SPAG16: variants seen among roughly 807,000 people sequenced by gnomAD.
SPAG16 encodes sperm associated antigen 16, also known as sperm-associated antigen 16 protein.
Under a neutral mutation model 80.4 loss-of-function variants are expected in SPAG16, and 86 were observed. The observed-to-expected ratio is 1.07, with a 90% confidence interval of 0.90 to 1.28. SPAG16 has a LOEUF of 1.28. Among genes scored for constraint, SPAG16 ranks in the 50% most tolerant of loss-of-function variants. The probability of loss-of-function intolerance (pLI) is 0.00; values close to 1 mark genes in which losing one functional copy is unlikely to be tolerated. For missense variants in SPAG16, 870 were observed against 765.3 expected (o/e 1.14, Z -1.61); for synonymous variants, 294 against 265.9 (o/e 1.11, Z -1.03).
intron 15 of SPAG16, among the ~76,000 whole-genome samples, chr2:214,182,881 A>G (rs1266588895): frequency 6.6e-6 from 1 of 151,904 alleles, no homozygotes; most frequent in African/African-American, 2.4e-5. Flanking sequence ...AATATGACAT[A>G]CACTTTAAAT....
At chr2:214,329,142 G>A (rs1203822042) in intron 15 of SPAG16, among the ~76,000 whole-genome samples, 1 of 152,212 alleles carries the variant, frequency 6.6e-6, no homozygotes, top group Non-Finnish European at 1.5e-5. Flanking sequence ...AGGCAGAGCT[G>A]CTCAGAGAAC....
At chr2:213,945,698 C>G (rs2079420747) in intron 12 of SPAG16, among the ~76,000 whole-genome samples, 1 of 152,068 alleles carries the variant, frequency 6.6e-6, no homozygotes, top group Non-Finnish European at 1.5e-5. Context: ...TCCTTCAATC[C>G]CATCAAGTTG....
At chr2:213,909,982 A>G (rs2077592280) in intron 11 of SPAG16, among the ~76,000 whole-genome samples, 2 of 152,182 alleles carry the variant, frequency 1.3e-5, no homozygotes, top group South Asian at 4.1e-4. Context: ...ATGTAATCTA[A>G]ATTCTAAGTG....
chr2:213,699,472 G>C (rs2065309769), intron 10 of SPAG16, among the ~76,000 whole-genome samples: 1 of 152,060 alleles, frequency 6.6e-6, no homozygotes, highest in East Asian at 1.9e-4. Context: ...GAAATTTAAA[G>C]AAAATTTCTC....
chr2:214,148,216 G>C (rs550245377), intron 14 of SPAG16, among the ~76,000 whole-genome samples: 1 of 152,176 alleles, frequency 6.6e-6, no homozygotes, highest in South Asian at 2.1e-4. Context: ...TGAGTTGCTG[G>C]GGAGCAGAAA....
At chr2:213,940,099 A>G (rs1050446388) in intron 12 of SPAG16, among the ~76,000 whole-genome samples, 4 of 152,336 alleles carry the variant, frequency 2.6e-5, no homozygotes, top group African/African-American at 9.6e-5. Context: ...AAAAGGTACA[A>G]AATTTTAAAC....
intron 9 of SPAG16, among the ~76,000 whole-genome samples, chr2:213,440,554 C>G (rs2070885736): frequency 6.7e-6 from 1 of 149,294 alleles, no homozygotes; most frequent in African/African-American, 2.5e-5. Context: ...GACTCCATCT[C>G]AAAACAACAA....
chr2:213,958,485 A>G (rs2044257787), intron 12 of SPAG16, among the ~76,000 whole-genome samples: 2 of 152,120 alleles, frequency 1.3e-5, no homozygotes, highest in African/African-American at 4.8e-5. Flanking sequence ...AATTAAACCT[A>G]TATTCAAAAT....
chr2:214,124,715 T>C (rs6435814), intron 14 of SPAG16, among the ~76,000 whole-genome samples: 146,485 of 151,860 alleles, frequency 0.96, 70,793 homozygotes, highest in Non-Finnish European at 0.99. Flanking sequence ...GAAGTGACTG[T>C]TAGTTAACAT....
At chr2:214,108,479 A>ACACACAGC (rs71409874) in intron 14 of SPAG16, among the ~76,000 whole-genome samples, 13 of 52,374 alleles carry the variant, frequency 2.5e-4, no homozygotes, top group Admixed American at 2.0e-3. Flanking sequence ...ACACACACAC[A>ACACACAGC]CCCCCACACA....
intron 3 of SPAG16, among the ~76,000 whole-genome samples, chr2:213,298,189 T>C (rs2062587511): frequency 6.6e-6 from 1 of 152,098 alleles, no homozygotes; most frequent in African/African-American, 2.4e-5. Flanking sequence ...TAGAGGAAGA[T>C]TTTTTCAGGC....
chr2:213,532,308 G>C (rs1450601802), intron 10 of SPAG16, among the ~76,000 whole-genome samples: 1 of 151,906 alleles, frequency 6.6e-6, no homozygotes, highest in Non-Finnish European at 1.5e-5. Context: ...CACTACTTTG[G>C]CCTGAACTAT....
chr2:213,877,721 C>T (rs554452419), intron 11 of SPAG16, among the ~76,000 whole-genome samples: 1 of 152,078 alleles, frequency 6.6e-6, no homozygotes, highest in African/African-American at 2.4e-5. Context: ...CACCTTATGG[C>T]ACTGAAAAAC....
At chr2:214,197,383 C>A (rs2057874078) in intron 15 of SPAG16, among the ~76,000 whole-genome samples, 1 of 151,846 alleles carries the variant, frequency 6.6e-6, no homozygotes, top group African/African-American at 2.4e-5. Context: ...CAGAGAATTT[C>A]TGAATTAATA....
chr2:214,209,721 T>C (rs1289687088), intron 15 of SPAG16, among the ~76,000 whole-genome samples: 35 of 152,194 alleles, frequency 2.3e-4, no homozygotes, highest in Non-Finnish European at 8.8e-5. Context: ...ATAGCAATGA[T>C]GTCTTGGCTT....
chr2:213,420,126 C>A (rs928390519), intron 9 of SPAG16, among the ~76,000 whole-genome samples: 1 of 152,102 alleles, frequency 6.6e-6, no homozygotes, highest in South Asian at 2.1e-4. Flanking sequence ...TGCAATGTTG[C>A]CTAGCATGTG....
intron 15 of SPAG16, among the ~76,000 whole-genome samples, chr2:214,262,711 G>C (rs895716618): frequency 6.6e-6 from 1 of 151,640 alleles, no homozygotes. Context: ...ATCTTATTTG[G>C]CTCTAAAAGT....
At chr2:213,957,177 T>A (rs948356226) in intron 12 of SPAG16, among the ~76,000 whole-genome samples, 1 of 152,114 alleles carries the variant, frequency 6.6e-6, no homozygotes, top group Non-Finnish European at 1.5e-5. Flanking sequence ...CTCATACTTA[T>A]CTTTTCTCTG....
At chr2:214,173,896 C>A (rs1183447695) in intron 15 of SPAG16, among the ~76,000 whole-genome samples, 3 of 151,942 alleles carry the variant, frequency 2.0e-5, no homozygotes, top group Admixed American at 6.6e-5. Context: ...TGGGCTTCAT[C>A]CCTGGGATGC....
Sources: gnomAD v4.1 joint callset for allele counts (sites outside exome capture counted in the v4.1 genomes callset) on GRCh38, gnomAD v4.1.1 for gene constraint, MANE v1.5 for transcripts, NCBI Gene and HGNC (gene_info 2026-07-23, HGNC 2026-07-21) for gene names.